Variants in HIVEP3 observed in about 807,000 individuals in gnomAD.
HIVEP3 encodes HIVEP zinc finger 3.
HIVEP3 carries 49 observed loss-of-function variants against 152.8 expected under a neutral mutation model. That is an observed-to-expected ratio of 0.32 (90% CI 0.26 to 0.41). HIVEP3 has a LOEUF of 0.41. Among genes scored for constraint, HIVEP3 ranks in the 10% least tolerant of loss-of-function variants. The probability of loss-of-function intolerance (pLI) is 1.00; values close to 1 mark genes in which losing one functional copy is unlikely to be tolerated. For missense variants in HIVEP3, 2,790 were observed against 3,103.3 expected, an observed-to-expected ratio of 0.90 and a Z score of 2.40; for synonymous variants, 1,269 against 1,289.0, an observed-to-expected ratio of 0.98 and a Z score of 0.33.
At chr1:41,892,094 AAAATATTT>A (rs1225840188) in intron 1 of HIVEP3, among the ~76,000 whole-genome samples, 7 of 152,274 alleles carry the variant, frequency 4.6e-5, no homozygotes, top group African/African-American at 1.7e-4. Context: ...AACCAGAACT[AAAATATTT>A]GGACACCGAA....
intron 5 of HIVEP3, chr1:41,542,728 G>A (rs1297445791): frequency 1.3e-5 from 2 of 152,896 alleles, no homozygotes; most frequent in Non-Finnish European, 2.9e-5. Context: ...AACATGGAAT[G>A]TGAAGCATTT....
intron 1 of HIVEP3, among the ~76,000 whole-genome samples, chr1:41,793,085 A>G (rs981011520): frequency 3.9e-5 from 6 of 152,198 alleles, no homozygotes; most frequent in Non-Finnish European, 8.8e-5. Context: ...GTGGCCTGTC[A>G]TGGGAGGCTC....
In HIVEP3 at chr1:41,510,504, C is replaced by T. The variant is rs1409378948; in HGVS notation, c.7168G>A (p.Glu2390Lys). The stretch of plus-strand genomic sequence containing the variant: ...GGCTGATGTGGATGTGCCCTGGGCT[C>T]CCCACTTCCTGAGGGCTTGGGGGAG... ...QDSPKPSGSG[E>K]PRAHPHQPED... The change falls in exon 9 of 9, where the codon GAG becomes AAG. Residue 2390 changes from glutamate (E) to lysine (K), a missense_variant. By Grantham distance (56) the Glu-to-Lys change is moderately conservative. Coordinates refer to ENST00000372583, the MANE Select transcript of HIVEP3 (RefSeq NM_024503.5). The T allele has an allele frequency of 1.9e-6, 3 of 1,595,966 alleles. No homozygotes were observed. In the African/African-American group the frequency reaches 4.0e-5, roughly 21 times the overall value.
At chr1:41,854,513 T>G (rs1557449928) in intron 1 of HIVEP3, among the ~76,000 whole-genome samples, 1 of 134,934 alleles carries the variant, frequency 7.4e-6, no homozygotes, top group Non-Finnish European at 1.5e-5. Context: ...ATATTCTTGC[T>G]GCACTTTTTT....
At chr1:42,019,481 G>A (rs972079384) in intron 1 of HIVEP3, among the ~76,000 whole-genome samples, 3 of 151,456 alleles carry the variant, frequency 2.0e-5, no homozygotes, top group Non-Finnish European at 4.4e-5. Context: ...CTATGAATTC[G>A]GTGTTTTCTG....
intron 1 of HIVEP3, among the ~76,000 whole-genome samples, chr1:41,948,479 G>A (rs1645087047): frequency 6.6e-6 from 1 of 152,108 alleles, no homozygotes; most frequent in Non-Finnish European, 1.5e-5. Flanking sequence ...TACACTGCCA[G>A]AGTCATCAGA....
Position 41,696,336 on chromosome 1 carries a change from G to A in HIVEP3, c.-721+4580C>T, listed in dbSNP as rs113510784. ...CACGGGGCGCAGCCTGCTGGGCCAC[G>A]AACATCAACAGCAGCCCCTTCCTGG... is the stretch of plus-strand genomic sequence containing the variant. On this transcript the variant is annotated intron_variant, in intron 2 of 8. Coordinates refer to ENST00000372583, the MANE Select transcript of HIVEP3 (RefSeq NM_024503.5). Among the ~76,000 whole-genome samples the A allele has an allele frequency of 6.4e-3, 982 of 152,364 alleles. 15 individuals are homozygous for A. The highest frequency in any genetic ancestry group is 0.023 in the African/African-American group (946 of 41,584).
chr1:41,582,122 T>C lies in HIVEP3; in HGVS notation c.2676A>G (p.Thr892=), dbSNP rs767518127. The part of the protein sequence containing the change: ...EEFQWPQRSQ[T]LAQLPAEKLP... ...GCTTCTCAGCTGGGAGCTGGGCAAGTGTCTGGCTGCGCTGGGGCCATTGGA... is the reference window on the plus strand; with the variant it reads ...GCTTCTCAGCTGGGAGCTGGGCAAGCGTCTGGCTGCGCTGGGGCCATTGGA... The change falls in exon 4 of 9, where the codon ACA becomes ACG. Residue 892 remains threonine (T), a synonymous_variant. Coordinates refer to ENST00000372583, the MANE Select transcript of HIVEP3 (RefSeq NM_024503.5). This position sits in a 1 kb window ranked among gnomAD's most constrained non-coding sequence, Gnocchi z 4.7. 3.7e-6 allele frequency: 6 copies of C among 1,614,068 alleles called. No individual in the cohort carries two copies. The highest frequency in any genetic ancestry group is 2.2e-5 in the South Asian group (2 of 91,066).
intron 3 of HIVEP3, among the ~76,000 whole-genome samples, chr1:41,613,445 C>A (rs995031543): frequency 1.3e-5 from 2 of 152,182 alleles, no homozygotes; most frequent in Non-Finnish European, 2.9e-5. Context: ...ATTTTAAACA[C>A]CTTCATGTTC....
intron 1 of HIVEP3, among the ~76,000 whole-genome samples, chr1:41,868,723 G>T (rs1644027297): frequency 6.6e-6 from 1 of 152,166 alleles, no homozygotes; most frequent in South Asian, 2.1e-4. Flanking sequence ...GCTCAGCAGA[G>T]GTCTGGGTTT....
chr1:41,805,059 G>A (rs891330087), intron 1 of HIVEP3, among the ~76,000 whole-genome samples: 5 of 152,190 alleles, frequency 3.3e-5, no homozygotes, highest in African/African-American at 1.2e-4. Context: ...TGAAATGGCC[G>A]GGCGCGGTGG....
chr1:41,985,386 T>G (rs1230254504), intron 1 of HIVEP3, among the ~76,000 whole-genome samples: 5 of 152,180 alleles, frequency 3.3e-5, no homozygotes, highest in African/African-American at 1.2e-4. Context: ...CTCAGAGTTG[T>G]GGAGGCTGGA....
intron 2 of HIVEP3, among the ~76,000 whole-genome samples, chr1:41,654,330 C>T (rs1645598305): frequency 8.5e-6 from 1 of 117,160 alleles, no homozygotes; most frequent in Admixed American, 9.0e-5. Context: ...CCTTCTCACA[C>T]AGGCAACTCA....
At chr1:41,813,796 A>G (rs908968591) in intron 1 of HIVEP3, among the ~76,000 whole-genome samples, 5 of 152,164 alleles carry the variant, frequency 3.3e-5, no homozygotes, top group African/African-American at 9.7e-5. Context: ...CTTCACAGCC[A>G]GCCTCGACAA....
intron 5 of HIVEP3, among the ~76,000 whole-genome samples, chr1:41,572,166 TC>T (rs1644259619): frequency 6.6e-6 from 1 of 152,164 alleles, no homozygotes; most frequent in Non-Finnish European, 1.5e-5. Flanking sequence ...GGTGTGAATT[TC>T]CCAGGCAAAA....
At chr1:41,653,685 CCAAA>C (rs2124022497) in intron 2 of HIVEP3, among the ~76,000 whole-genome samples, 1 of 152,290 alleles carries the variant, frequency 6.6e-6, no homozygotes. Flanking sequence ...CAGGGCGACA[CCAAA>C]TGTTCGCATG....
intron 1 of HIVEP3, among the ~76,000 whole-genome samples, chr1:41,833,613 T>C (rs1170648366): frequency 2.6e-5 from 4 of 152,060 alleles, no homozygotes; most frequent in African/African-American, 4.8e-5. Flanking sequence ...GTAATTACCA[T>C]TATAAAAGCA....
At chr1:41,725,607 A>C (rs1347205943) in intron 1 of HIVEP3, among the ~76,000 whole-genome samples, 1 of 152,228 alleles carries the variant, frequency 6.6e-6, no homozygotes, top group Non-Finnish European at 1.5e-5. Context: ...CTGATAAAGC[A>C]AACAGGTTCA....
At chr1:41,977,334 G>A (rs905278957) in intron 1 of HIVEP3, among the ~76,000 whole-genome samples, 5 of 152,130 alleles carry the variant, frequency 3.3e-5, no homozygotes, top group South Asian at 2.1e-4. Context: ...TCCCTTGTGT[G>A]AGCTGCCACC....
Sources: allele counts gnomAD v4.1 joint callset (sites outside exome capture counted in the v4.1 genomes callset), GRCh38; gene constraint gnomAD v4.1.1; non-coding constraint Gnocchi (gnomAD v3.1); transcripts MANE v1.5; gene names NCBI Gene and HGNC (gene_info 2026-07-23, HGNC 2026-07-21).